OR9Q1: variants seen among roughly 807,000 people sequenced by gnomAD.
OR9Q1 encodes olfactory receptor family 9 subfamily Q member 1.
For synonymous variants in OR9Q1, 153 were observed against 148.6 expected, an observed-to-expected ratio of 1.03 and a Z score of -0.22; for missense variants, 374 against 378.8, an observed-to-expected ratio of 0.99 and a Z score of 0.11.
chr11:58,113,005 C>A (rs985413340), intron 2 of OR9Q1, among the ~76,000 whole-genome samples: 1 of 152,136 alleles, frequency 6.6e-6, no homozygotes, highest in Admixed American at 6.5e-5. Context: ...TTGGAGAGGA[C>A]CTTGGTGATG....
intron 1 of OR9Q1, among the ~76,000 whole-genome samples, chr11:58,055,207 A>G (rs960341139): frequency 3.9e-5 from 6 of 152,134 alleles, no homozygotes; most frequent in African/African-American, 1.4e-4. Context: ...TGAAAATTAA[A>G]TGCATTAATA....
At chr11:58,166,466 C>T (rs1352491481) in intron 2 of OR9Q1, among the ~76,000 whole-genome samples, 1 of 152,046 alleles carries the variant, frequency 6.6e-6, no homozygotes. Context: ...TTTACAATTA[C>T]GGATGTCACT....
intron 2 of OR9Q1, among the ~76,000 whole-genome samples, chr11:58,069,785 G>A (rs1281967571): frequency 6.6e-6 from 1 of 151,690 alleles, no homozygotes; most frequent in African/African-American, 2.4e-5. Flanking sequence ...GTGGGAGATC[G>A]CTTGAGCCCA....
intron 2 of OR9Q1, among the ~76,000 whole-genome samples, chr11:58,087,949 T>A (rs990237585): frequency 6.6e-6 from 1 of 151,830 alleles, no homozygotes; most frequent in Non-Finnish European, 1.5e-5. Flanking sequence ...AGTGTAGTGG[T>A]GTGATCTCGT....
chr11:58,034,000 C>T lies in OR9Q1; in HGVS notation c.-93+9896C>T, dbSNP rs536105670. 4.6e-4 allele frequency among the ~76,000 whole-genome samples: 67 copies of T among 147,138 alleles called. 1 individual carries two copies. Among genetic ancestry groups the T allele is most frequent in the Admixed American group, 3.9e-3 (57 of 14,794 alleles). ...TCAACTTTAAGGATGCAAGTTTATT[C>T]TATCTTGCAGGATCAACATCCCCTA... On this transcript the variant is annotated intron_variant, in intron 1 of 2. Coordinates refer to ENST00000335397, the MANE Select transcript of OR9Q1 (RefSeq NM_001005212.4).
chr11:58,144,832 A>G (rs1208898334), intron 2 of OR9Q1: 3 of 152,304 alleles, frequency 2.0e-5, no homozygotes, highest in Non-Finnish European at 2.9e-5. Flanking sequence ...TTTGGCTGTG[A>G]TGGCTTATGA....
chr11:58,147,826 C>T lies in OR9Q1; in HGVS notation c.-14-31605C>T, dbSNP rs79328457. Among the ~76,000 whole-genome samples the T allele has an allele frequency of 2.2e-3, 333 of 152,216 alleles. 1 individual carries two copies. The highest frequency in any genetic ancestry group is 4.1e-3 in the Non-Finnish European group (276 of 68,014). On this transcript the variant is annotated intron_variant, in intron 2 of 2. Transcript: ENST00000335397. ...TGTCAGATTCTGTGCTGAGTTTTCA[C>T]TTATCTCATTTAAAGATTTCATTCT...
At chr11:58,099,721 T>C (rs1853765944) in intron 2 of OR9Q1, among the ~76,000 whole-genome samples, 1 of 152,196 alleles carries the variant, frequency 6.6e-6, no homozygotes. Context: ...ATTACTGATG[T>C]GACCCAGTTT....
At chr11:58,114,046 A>G (rs889879586) in intron 2 of OR9Q1, among the ~76,000 whole-genome samples, 3 of 152,132 alleles carry the variant, frequency 2.0e-5, no homozygotes, top group African/African-American at 7.2e-5. Context: ...AAATGCAATC[A>G]CCAAATCTTC....
At chr11:58,057,749 G>C (rs1038024442) in intron 2 of OR9Q1, 1 of 152,080 alleles carries the variant, frequency 6.6e-6, no homozygotes, top group Non-Finnish European at 1.5e-5. Context: ...TCCCTGCTTC[G>C]TGCTGGACCA....
chr11:58,037,680 TATATATATA>T (rs200909272), intron 1 of OR9Q1, among the ~76,000 whole-genome samples: 894 of 13,108 alleles, frequency 0.068, 39 homozygotes, highest in East Asian at 0.33. Context: ...TATATATATA[TATATATATA>T]TTTTTTTTTT....
chr11:58,165,544 G>A (rs529771349), intron 2 of OR9Q1, among the ~76,000 whole-genome samples: 1 of 152,278 alleles, frequency 6.6e-6, no homozygotes, highest in South Asian at 2.1e-4. Flanking sequence ...TTTTTTGGAA[G>A]CGCACAAACC....
intron 2 of OR9Q1, among the ~76,000 whole-genome samples, chr11:58,089,001 T>C (rs1001886294): frequency 6.6e-6 from 1 of 151,626 alleles, no homozygotes; most frequent in South Asian, 2.1e-4. Flanking sequence ...CTCATCCTCC[T>C]GAGTAGCTGG....
chr11:58,038,005 A>T (rs2119932928), intron 1 of OR9Q1, among the ~76,000 whole-genome samples: 1 of 114,182 alleles, frequency 8.8e-6, no homozygotes, highest in East Asian at 2.4e-4. Context: ...TGCTGGGATT[A>T]CAGGCATGAG....
intron 2 of OR9Q1, among the ~76,000 whole-genome samples, chr11:58,163,485 A>G (rs536371091): frequency 6.6e-6 from 1 of 152,222 alleles, no homozygotes; most frequent in South Asian, 2.1e-4. Flanking sequence ...TAAAAAATGC[A>G]TGTGCAGATG....
At chr11:58,147,794 T>G (rs1321652038) in intron 2 of OR9Q1, among the ~76,000 whole-genome samples, 7 of 152,200 alleles carry the variant, frequency 4.6e-5, no homozygotes, top group Non-Finnish European at 1.0e-4. Context: ...ATAAATTACC[T>G]AATGTGTGTC....
chr11:58,038,579 A>AAG (rs1330895652), intron 1 of OR9Q1, among the ~76,000 whole-genome samples: 6 of 152,174 alleles, frequency 3.9e-5, no homozygotes, highest in Non-Finnish European at 8.8e-5. Flanking sequence ...GTATTAGGAT[A>AAG]CTGATTTGTT....
chr11:58,166,819 C>A (rs1447266418), intron 2 of OR9Q1, among the ~76,000 whole-genome samples: 1 of 151,860 alleles, frequency 6.6e-6, no homozygotes, highest in African/African-American at 2.4e-5. Flanking sequence ...TGAAGGGGAC[C>A]AGGAGTAGGG....
intron 1 of OR9Q1, chr11:58,041,608 G>C (rs1853163929): frequency 6.6e-6 from 1 of 152,444 alleles, no homozygotes; most frequent in African/African-American, 2.4e-5. Flanking sequence ...GAAGTCAAGG[G>C]TTTTGGGGAT....
Sources: gnomAD v4.1 joint callset for allele counts (sites outside exome capture counted in the v4.1 genomes callset) on GRCh38, gnomAD v4.1.1 for gene constraint, MANE v1.5 for transcripts, NCBI Gene and HGNC (gene_info 2026-07-23, HGNC 2026-07-21) for gene names.